RBFOX3: variants seen among roughly 807,000 people sequenced by gnomAD.
The protein encoded by RBFOX3 is RNA binding fox-1 homolog 3.
A neutral mutation model predicts 48.7 loss-of-function variants in RBFOX3; 17 were observed. The observed-to-expected ratio is 0.35, with a 90% confidence interval of 0.24 to 0.52. The LOEUF is 0.52. RBFOX3 is among the 20% of genes least tolerant of loss of function. The probability of loss-of-function intolerance (pLI) is 0.94; values close to 1 mark genes in which losing one functional copy is unlikely to be tolerated. For synonymous variants in RBFOX3, 212 were observed against 209.5 expected (o/e 1.01, Z -0.10); for missense variants, 382 against 497.5 (o/e 0.77, Z 2.21).
chr17:79,590,685 C>A (rs1042850178), intron 1 of RBFOX3, among the ~76,000 whole-genome samples: 2 of 152,128 alleles, frequency 1.3e-5, no homozygotes, highest in African/African-American at 4.8e-5. Context: ...CACCTGGCAC[C>A]GAAAGTGGAG....
At chr17:79,320,989 T>G (rs548304681) in intron 2 of RBFOX3, among the ~76,000 whole-genome samples, 2 of 152,314 alleles carry the variant, frequency 1.3e-5, no homozygotes, top group East Asian at 3.9e-4. Flanking sequence ...TAAATGTAAC[T>G]GGTGGTTCCA....
At chr17:79,536,783 C>T (rs982816898) in intron 1 of RBFOX3, among the ~76,000 whole-genome samples, 8 of 152,192 alleles carry the variant, frequency 5.3e-5, no homozygotes, top group Admixed American at 1.3e-4. Context: ...ACAAACTCAC[C>T]GGCTTAAAGC....
intron 1 of RBFOX3, among the ~76,000 whole-genome samples, chr17:79,514,999 C>G (rs1317650895): frequency 6.6e-6 from 1 of 152,180 alleles, no homozygotes; most frequent in South Asian, 2.1e-4. Context: ...CTCTTTGCTG[C>G]CTGGGGTGAG....
At chr17:79,221,398 G>A (rs1600087795) in intron 4 of RBFOX3, among the ~76,000 whole-genome samples, 1 of 152,374 alleles carries the variant, frequency 6.6e-6, no homozygotes, top group East Asian at 1.9e-4. Flanking sequence ...GCAGGCGGGT[G>A]GCTGCGTGAG....
chr17:79,223,847 TCAG>T (rs2060012290), intron 4 of RBFOX3, among the ~76,000 whole-genome samples: 1 of 151,878 alleles, frequency 6.6e-6, no homozygotes, highest in African/African-American at 2.4e-5. Flanking sequence ...TTTCAATAAT[TCAG>T]CAGCAGGAGA....
At chr17:79,596,265 A>G (rs4132158) in intron 1 of RBFOX3, among the ~76,000 whole-genome samples, 28,287 of 152,202 alleles carry the variant, frequency 0.19, 2,864 homozygotes, top group Middle Eastern at 0.28. Flanking sequence ...GCAGAGCCCA[A>G]CTGAACCCTC....
chr17:79,439,390 T>C (rs1358456126), intron 2 of RBFOX3, among the ~76,000 whole-genome samples: 2 of 152,264 alleles, frequency 1.3e-5, no homozygotes, highest in African/African-American at 2.4e-5. Flanking sequence ...CAAATCTCAC[T>C]GTGATTTCAT....
At chr17:79,101,433 C>A (rs922053100) in intron 9 of RBFOX3, 151 bp downstream of exon 9, 9 of 705,996 alleles carry the variant, frequency 1.3e-5, no homozygotes, top group Non-Finnish European at 2.0e-5. Flanking sequence ...CGCTTCTGAC[C>A]GGGAGCAGAG....
chr17:79,212,601 A>G lies in RBFOX3; in HGVS notation c.-34+23165T>C, dbSNP rs559328222. On this transcript the variant is annotated intron_variant, in intron 4 of 14. Coordinates refer to ENST00000693108, the MANE Select transcript of RBFOX3 (RefSeq NM_001350451.2). This position sits in a 1 kb window ranked among gnomAD's most constrained non-coding sequence, Gnocchi z 4.7. ...TAACTTCTTTCACAAGCAAATTCCC[A>G]GAGCCTGGTTCTTCCCCAGCCCTGG... 1.3e-5 allele frequency among the ~76,000 whole-genome samples: 2 copies of G among 152,306 alleles called. No homozygotes were observed. The highest frequency in any genetic ancestry group is 3.9e-4 in the East Asian group (2 of 5,172).
intron 2 of RBFOX3, among the ~76,000 whole-genome samples, chr17:79,468,590 G>A (rs2076620425): frequency 6.7e-6 from 1 of 149,848 alleles, no homozygotes; most frequent in Non-Finnish European, 1.5e-5. Context: ...ATGAATGAAT[G>A]GATGGATGGA....
chr17:79,485,619 C>G (rs2079464832), intron 1 of RBFOX3, among the ~76,000 whole-genome samples: 1 of 152,220 alleles, frequency 6.6e-6, no homozygotes, highest in African/African-American at 2.4e-5. Context: ...CTCCACCACA[C>G]CTTGCAAGCC....
At chr17:79,145,876 G>A (rs1433053316) in intron 4 of RBFOX3, among the ~76,000 whole-genome samples, 1 of 152,194 alleles carries the variant, frequency 6.6e-6, no homozygotes, top group Non-Finnish European at 1.5e-5. Context: ...TGGTACCAGG[G>A]ACTGGTTTCA....
intron 3 of RBFOX3, among the ~76,000 whole-genome samples, chr17:79,293,064 A>G (rs1477755255): frequency 6.6e-6 from 1 of 152,130 alleles, no homozygotes; most frequent in East Asian, 1.9e-4. Context: ...TTACAGTGCC[A>G]CTGTTAGTAA....
rs2076480849 is a variant in RBFOX3, at chr17:79,101,750, C to T, written c.508-106G>A. ...CTCCGTTAGCCCCCGGCACCCCCCG[C>T]CCCAGCCTCCTCTCTCCACCATGCT... On this transcript the variant is annotated intron_variant, in intron 8 of 14. Coordinates refer to ENST00000693108, the MANE Select transcript of RBFOX3 (RefSeq NM_001350451.2). The T allele has an allele frequency of 4.1e-6, 4 of 968,808 alleles. No individual in the cohort carries two copies. The South Asian group carries it at 5.5e-5, about 13-fold the overall frequency. 60.0% of individuals were successfully genotyped at this position (968,808 alleles called of 1,614,324 possible). A position where few individuals can be genotyped will look rare whatever the true frequency, so the allele number is the denominator to read the frequency against.
intron 1 of RBFOX3, among the ~76,000 whole-genome samples, chr17:79,608,568 C>A (rs1334033372): frequency 3.3e-5 from 5 of 152,210 alleles, no homozygotes; most frequent in African/African-American, 1.2e-4. Context: ...CCAGTGGCAA[C>A]CCCTGCCGCA....
At chr17:79,331,683 G>A (rs2146347935) in intron 2 of RBFOX3, among the ~76,000 whole-genome samples, 1 of 152,316 alleles carries the variant, frequency 6.6e-6, no homozygotes, top group East Asian at 1.9e-4. Flanking sequence ...CTGCCCCGGG[G>A]CTGGGCAAGT....
intron 1 of RBFOX3, among the ~76,000 whole-genome samples, chr17:79,609,192 T>A (rs1300092026): frequency 6.6e-6 from 1 of 152,222 alleles, no homozygotes; most frequent in Non-Finnish European, 1.5e-5. Flanking sequence ...TTTATACTTT[T>A]TTTTTCCATT....
chr17:79,566,606 C>A (rs2092463233), intron 1 of RBFOX3, among the ~76,000 whole-genome samples: 3 of 152,220 alleles, frequency 2.0e-5, no homozygotes, highest in South Asian at 4.1e-4. Flanking sequence ...ACAGAATCAG[C>A]CAGTGGAGAT....
At chr17:79,328,951 G>T (rs2079774922) in intron 2 of RBFOX3, among the ~76,000 whole-genome samples, 1 of 152,188 alleles carries the variant, frequency 6.6e-6, no homozygotes, top group African/African-American at 2.4e-5. Flanking sequence ...GGGAGATCAT[G>T]CAGGCAGAGA....
Sources: allele counts gnomAD v4.1 joint callset (sites outside exome capture counted in the v4.1 genomes callset), GRCh38; gene constraint gnomAD v4.1.1; non-coding constraint Gnocchi (gnomAD v3.1); transcripts MANE v1.5; gene names NCBI Gene and HGNC (gene_info 2026-07-23, HGNC 2026-07-21).